Variants in CDH2 observed in about 807,000 individuals in gnomAD.
The protein encoded by CDH2 is cadherin-2.
A neutral mutation model predicts 92.0 loss-of-function variants in CDH2; 17 were observed. That is an observed-to-expected ratio of 0.18 (90% CI 0.13 to 0.28). The LOEUF (loss-of-function observed/expected upper bound fraction) is 0.28, where lower values mean the gene tolerates loss of function less well. Ranked by LOEUF, CDH2 falls within the 10% of genes least tolerant of loss-of-function variation. The pLI, the probability that CDH2 is intolerant of heterozygous loss-of-function variation, is 1.00. For missense variants in CDH2, 862 were observed against 1,133.1 expected (o/e 0.76, Z 3.44); for synonymous variants, 419 against 415.9 (o/e 1.01, Z -0.09).
At chr18:28,045,046 A>G (rs2014046466) in intron 2 of CDH2, among the ~76,000 whole-genome samples, 1 of 152,146 alleles carries the variant, frequency 6.6e-6, no homozygotes, top group African/African-American at 2.4e-5. Context: ...TCCAAATTCA[A>G]AAAGAAAAAT....
intron 14 of CDH2, among the ~76,000 whole-genome samples, chr18:27,979,430 C>A (rs1275609858): frequency 2.0e-5 from 3 of 152,168 alleles, no homozygotes; most frequent in Non-Finnish European, 2.9e-5. Flanking sequence ...ACGTACAGGA[C>A]TGTAGTCGAG....
rs149255363 is a variant in CDH2, at chr18:27,939,716, G to T, written c.1152-6592C>A. Among the ~76,000 whole-genome samples, 273 of 152,174 alleles carry T rather than the reference G, an allele frequency of 1.8e-3. 1 individual carries two copies. Among genetic ancestry groups the T allele is most frequent in the African/African-American group, 6.3e-3 (262 of 41,518 alleles). ...TTCTTATACTATGTGGTTTAATTTT[G>T]TTTTTACTATACTGCAACATTAAAT... On this transcript the variant is annotated intron_variant, in intron 6 of 6. Transcript: ENST00000675173.
At chr18:28,082,282 A>G (rs951162283) in intron 2 of CDH2, among the ~76,000 whole-genome samples, 1 of 151,832 alleles carries the variant, frequency 6.6e-6, no homozygotes, top group African/African-American at 2.4e-5. Context: ...GTAGTGGCTC[A>G]CACTTACATT....
chr18:28,046,918 C>G (rs1011792569), intron 2 of CDH2, among the ~76,000 whole-genome samples: 1 of 152,124 alleles, frequency 6.6e-6, no homozygotes, highest in South Asian at 2.1e-4. Context: ...ATTTCTTCCT[C>G]TAAAGCAGCC....
chr18:28,132,069 T>C (rs1382431307), intron 2 of CDH2, among the ~76,000 whole-genome samples: 1 of 152,160 alleles, frequency 6.6e-6, no homozygotes, highest in Non-Finnish European at 1.5e-5. Context: ...ATGGACCCCT[T>C]GTTCAAAAAG....
At chr18:28,175,367 A>G (rs2016521887) in intron 1 of CDH2, among the ~76,000 whole-genome samples, 1 of 152,324 alleles carries the variant, frequency 6.6e-6, no homozygotes, top group East Asian at 1.9e-4. Context: ...CTAAAGAACA[A>G]AAGAAGAAAT....
intron 2 of CDH2, among the ~76,000 whole-genome samples, chr18:28,043,487 T>G (rs1274787857): frequency 1.3e-5 from 1 of 75,242 alleles, no homozygotes; most frequent in South Asian, 5.7e-4. Flanking sequence ...TATATATATA[T>G]ATATATAAAT....
intron 1 of CDH2, among the ~76,000 whole-genome samples, chr18:28,151,396 G>C (rs377124391): frequency 2.0e-5 from 3 of 152,164 alleles, no homozygotes; most frequent in Non-Finnish European, 4.4e-5. Flanking sequence ...AAAATACGTA[G>C]AGCAGGGAAT....
At chr18:28,102,237 A>T (rs748446264) in intron 2 of CDH2, among the ~76,000 whole-genome samples, 3 of 152,138 alleles carry the variant, frequency 2.0e-5, no homozygotes, top group Admixed American at 6.6e-5. Flanking sequence ...TAGTAGAAAA[A>T]ATCTTATTTT....
intron 2 of CDH2, among the ~76,000 whole-genome samples, chr18:28,014,910 T>C (rs569559683): frequency 6.6e-6 from 1 of 152,322 alleles, no homozygotes; most frequent in South Asian, 2.1e-4. Flanking sequence ...TTGTTCTTTC[T>C]GAAGAAAAAT....
At chr18:28,007,165 A>AAAAAATATATAT (rs1172779200) in intron 5 of CDH2, among the ~76,000 whole-genome samples, 23 of 110,464 alleles carry the variant, frequency 2.1e-4, no homozygotes, top group African/African-American at 8.9e-4. Flanking sequence ...ATAAAAAAAA[A>AAAAAATATATAT]ATATATATAT....
intron 2 of CDH2, among the ~76,000 whole-genome samples, chr18:28,107,424 T>C (rs939527542): frequency 3.3e-5 from 5 of 152,174 alleles, no homozygotes; most frequent in Non-Finnish European, 4.4e-5. Flanking sequence ...CCGTGATATA[T>C]TGTAATATAG....
intron 2 of CDH2, among the ~76,000 whole-genome samples, chr18:28,120,081 C>G (rs1167287247): frequency 6.6e-6 from 1 of 151,932 alleles, no homozygotes; most frequent in Non-Finnish European, 1.5e-5. Flanking sequence ...ATTGTTTTTT[C>G]TATTTCCTGT....
At chr18:28,045,642 T>C in intron 2 of CDH2, 1 of 287,790 alleles carries the variant, frequency 3.5e-6, no homozygotes. Flanking sequence ...GGTCATTTCC[T>C]TTATGACGTC....
intron 14 of CDH2, among the ~76,000 whole-genome samples, chr18:27,964,161 G>GAA (rs1387401310): frequency 6.6e-6 from 1 of 152,308 alleles, no homozygotes; most frequent in African/African-American, 2.4e-5. Flanking sequence ...CCCTACTGAG[G>GAA]AAAAGTTTGC....
intron 2 of CDH2, among the ~76,000 whole-genome samples, chr18:28,107,815 C>T (rs2015347278): frequency 6.6e-6 from 1 of 151,982 alleles, no homozygotes; most frequent in South Asian, 2.1e-4. Flanking sequence ...GTGAAGACTA[C>T]CAATTATCAC....
chr18:28,068,034 A>C (rs1299055784), intron 2 of CDH2, among the ~76,000 whole-genome samples: 1 of 152,098 alleles, frequency 6.6e-6, no homozygotes, highest in African/African-American at 2.4e-5. Flanking sequence ...GTGTAAAACC[A>C]CTCCATAGGG....
chr18:28,102,355 G>C (rs1440020311), intron 2 of CDH2, among the ~76,000 whole-genome samples: 2 of 151,938 alleles, frequency 1.3e-5, no homozygotes, highest in African/African-American at 2.4e-5. Context: ...AGCACAGTGA[G>C]GGTATTCTGA....
intron 7 of CDH2, among the ~76,000 whole-genome samples, chr18:28,001,634 T>G (rs1401392199): frequency 6.6e-6 from 1 of 152,092 alleles, no homozygotes; most frequent in Non-Finnish European, 1.5e-5. Context: ...CTAAACTGAG[T>G]CCAACAATCT....
Sources: gnomAD v4.1 joint callset for allele counts (sites outside exome capture counted in the v4.1 genomes callset) on GRCh38, gnomAD v4.1.1 for gene constraint, MANE v1.5 for transcripts, NCBI Gene and HGNC (gene_info 2026-07-23, HGNC 2026-07-21) for gene names.